AP2A2: variants seen among roughly 807,000 people sequenced by gnomAD.
The protein encoded by AP2A2 is adaptor related protein complex 2 subunit alpha 2, also known as AP-2 complex subunit alpha-2.
Under a neutral mutation model 104.2 loss-of-function variants are expected in AP2A2, and 32 were observed. The ratio of observed to expected loss-of-function variants is 0.31; its 90% CI spans 0.23 to 0.41. The LOEUF is 0.41. Ranked by LOEUF, AP2A2 falls within the 10% of genes least tolerant of loss-of-function variation. AP2A2 has a pLI of 1.00. For missense variants in AP2A2, 912 were observed against 1,261.0 expected (o/e 0.72, Z 4.19); for synonymous variants, 539 against 533.3 (o/e 1.01, Z -0.15).
intron 1 of AP2A2, among the ~76,000 whole-genome samples, chr11:957,769 C>T (rs972309362): frequency 6.6e-6 from 1 of 152,248 alleles, no homozygotes; most frequent in African/African-American, 2.4e-5. Context: ...ATCGTAATCC[C>T]TCCTAGCTTC....
intron 4 of AP2A2, among the ~76,000 whole-genome samples, chr11:973,547 C>T (rs964561281): frequency 3.9e-5 from 6 of 152,144 alleles, no homozygotes; most frequent in South Asian, 2.1e-4. Flanking sequence ...ACCACCGAGC[C>T]GGGGGAGCAG....
chr11:985,665 G>T, intron 8 of AP2A2, 83 bp downstream of exon 8: 7 of 1,572,588 alleles, frequency 4.5e-6, no homozygotes, highest in African/African-American at 1.4e-5. Flanking sequence ...GGCGGATCAT[G>T]TCTGGTTTGT....
At chr11:1,006,484 G>A (rs778374108) in intron 16 of AP2A2, 44 bp from the exon 17 acceptor site, 18 of 1,335,960 alleles carry the variant, frequency 1.3e-5, no homozygotes, top group Middle Eastern at 1.8e-4. Context: ...TTCAGGGTAA[G>A]TGTGAAATGG....
chr11:1,010,833 G>A lies in AP2A2; in HGVS notation c.*208G>A, dbSNP rs1039969944. ...GAAAAGCTCAGCCTGGACTGTGGCAGCCACGGCAGAAGGTGGATCTTGGGA... is the reference window on the plus strand; with the variant it reads ...GAAAAGCTCAGCCTGGACTGTGGCAACCACGGCAGAAGGTGGATCTTGGGA... On this transcript the variant is annotated 3_prime_UTR_variant, in exon 22 of 22. Coordinates refer to ENST00000448903, the MANE Select transcript of AP2A2 (RefSeq NM_012305.4). 1.5e-6 allele frequency: 1 copy of A among 646,978 alleles called. No individual in the cohort carries two copies. Among genetic ancestry groups the A allele is most frequent in the Middle Eastern group, 4.0e-4 (1 of 2,522 alleles). The allele number at this position is 646,978 out of a possible 1,614,324, so 40.1% of individuals were successfully genotyped here. A position where few individuals can be genotyped will look rare whatever the true frequency, so the allele number is the denominator to read the frequency against.
intron 6 of AP2A2, among the ~76,000 whole-genome samples, chr11:982,331 G>A (rs942614950): frequency 6.6e-6 from 1 of 152,206 alleles, no homozygotes. Flanking sequence ...AATTATAGGC[G>A]TGAGCCACCG....
chr11:965,678 C>T (rs1324065029), intron 2 of AP2A2, among the ~76,000 whole-genome samples: 1 of 152,168 alleles, frequency 6.6e-6, no homozygotes, highest in Non-Finnish European at 1.5e-5. Flanking sequence ...TGACGGTGGC[C>T]CCGGCTGACC....
intron 3 of AP2A2, among the ~76,000 whole-genome samples, chr11:971,503 T>G (rs1197936613): frequency 1.3e-5 from 2 of 151,954 alleles, no homozygotes; most frequent in African/African-American, 2.4e-5. Context: ...ACTGTTTCCC[T>G]CCAGGTGGGG....
chr11:973,930 G>A (rs1052749327), intron 4 of AP2A2, among the ~76,000 whole-genome samples: 3 of 152,228 alleles, frequency 2.0e-5, no homozygotes, highest in Non-Finnish European at 4.4e-5. Flanking sequence ...CTTGGTGGAT[G>A]TCTGCGCGTG....
chr11:952,642 G>T (rs373780861), intron 1 of AP2A2, among the ~76,000 whole-genome samples: 1 of 152,124 alleles, frequency 6.6e-6, no homozygotes, highest in African/African-American at 2.4e-5. Context: ...TGTGGCCAGC[G>T]TCTCTTTAAC....
rs115450078 is a variant in AP2A2, at chr11:932,710, G to T, written c.67+6622G>T. On this transcript the variant is annotated intron_variant, in intron 1 of 21. Transcript: ENST00000448903. ...CTCGGGTTGAATTTTTCTTGCCAAG[G>T]TTGGTGGTCACTGCTTCTGGGACAC... The T allele has an allele frequency of 3.3e-3, 1,492 of 456,286 alleles. 30 individuals carry two copies. The highest frequency in any genetic ancestry group is 0.027 in the African/African-American group (1,376 of 50,212). 28.3% of individuals were successfully genotyped at this position (456,286 alleles called of 1,614,324 possible). A position where few individuals can be genotyped will look rare whatever the true frequency, so the allele number is the denominator to read the frequency against.
intron 1 of AP2A2, among the ~76,000 whole-genome samples, chr11:953,193 G>C (rs1280169484): frequency 1.3e-5 from 2 of 152,162 alleles, no homozygotes; most frequent in Non-Finnish European, 2.9e-5. Flanking sequence ...CTCTCTCTCT[G>C]TCACCCAGTC....
intron 1 of AP2A2, among the ~76,000 whole-genome samples, chr11:930,498 G>A (rs1224292281): frequency 6.6e-6 from 1 of 151,812 alleles, no homozygotes; most frequent in Non-Finnish European, 1.5e-5. Context: ...AAAAATTCTA[G>A]TCCTTTTATT....
In AP2A2 at chr11:992,976, C is replaced by T. The variant is rs746186434; in HGVS notation, c.1452+291C>T. ...CATGCCGTGGTGGGGCCTGCCCTGT[C>T]CGTCGGAGAGGGTTAGGCCACCGGC... On this transcript the variant is annotated intron_variant, in intron 11 of 21. Transcript: ENST00000448903. This position sits in a 1 kb window ranked among gnomAD's most constrained non-coding sequence, Gnocchi z 6.4. 2.0e-5 allele frequency among the ~76,000 whole-genome samples: 3 copies of T among 152,200 alleles called. No individual in the cohort carries two copies. Among genetic ancestry groups the T allele is most frequent in the Non-Finnish European group, 2.9e-5 (2 of 68,040 alleles).
At chr11:936,284 C>G (rs1203847094) in intron 1 of AP2A2, among the ~76,000 whole-genome samples, 1 of 148,292 alleles carries the variant, frequency 6.7e-6, no homozygotes, top group Non-Finnish European at 1.5e-5. Flanking sequence ...GTGATCACAG[C>G]TCACTGCAGC....
At chr11:938,101 T>G (rs1441206051) in intron 1 of AP2A2, among the ~76,000 whole-genome samples, 1 of 152,242 alleles carries the variant, frequency 6.6e-6, no homozygotes, top group Non-Finnish European at 1.5e-5. Context: ...TGTGCCCCTT[T>G]GCATTTGATG....
rs767337333 is a variant in AP2A2, at chr11:995,479, G to A, written c.1956+1234G>A. 1.9e-4 allele frequency: 86 copies of A among 454,658 alleles called. 1 individual carries two copies. The highest frequency in any genetic ancestry group is 7.0e-4 in the Middle Eastern group (2 of 2,840). The allele number at this position is 454,658 out of a possible 1,614,324, so 28.2% of individuals were successfully genotyped here. A position where few individuals can be genotyped will look rare whatever the true frequency, so the allele number is the denominator to read the frequency against. ...GTTAGAGGACCTGTCTCTCCAGGAC[G>A]CAGGTCCAGTGGTGGCAACCAGTGC... On this transcript the variant is annotated intron_variant, in intron 14 of 21. Coordinates refer to ENST00000448903, the MANE Select transcript of AP2A2 (RefSeq NM_012305.4).
At chr11:937,725 A>C (rs1276128936) in intron 1 of AP2A2, among the ~76,000 whole-genome samples, 2 of 152,178 alleles carry the variant, frequency 1.3e-5, no homozygotes, top group African/African-American at 4.8e-5. Flanking sequence ...TGAAAGTGGA[A>C]AACAAGGTGA....
intron 1 of AP2A2, among the ~76,000 whole-genome samples, chr11:951,314 G>A (rs557769165): frequency 6.3e-4 from 96 of 152,198 alleles, no homozygotes; most frequent in African/African-American, 2.3e-3. Context: ...ATCACCTGAG[G>A]TCAGGAGTTT....
intron 15 of AP2A2, among the ~76,000 whole-genome samples, chr11:1,003,196 A>G (rs1269812322): frequency 1.3e-5 from 2 of 152,182 alleles, no homozygotes; most frequent in Non-Finnish European, 1.5e-5. Flanking sequence ...GTAGACACTA[A>G]CCACGCATGG....
Sources: gnomAD v4.1 joint callset for allele counts (sites outside exome capture counted in the v4.1 genomes callset) on GRCh38, gnomAD v4.1.1 for gene constraint, Gnocchi (gnomAD v3.1) non-coding constraint, MANE v1.5 for transcripts, NCBI Gene and HGNC (gene_info 2026-07-23, HGNC 2026-07-21) for gene names.